The following SAAL1 variants were observed in gnomAD, a reference collection of about 807,000 sequenced individuals.
SAAL1 encodes the protein serum amyloid A like 1.
Under a neutral mutation model 59.8 loss-of-function variants are expected in SAAL1, and 42 were observed. The observed-to-expected ratio is 0.70, with a 90% CI of 0.55 to 0.91. The LOEUF (loss-of-function observed/expected upper bound fraction) is 0.91, where lower values mean the gene tolerates loss of function less well. SAAL1 is among the 40% of genes least tolerant of loss of function. The pLI, the probability that SAAL1 is intolerant of heterozygous loss-of-function variation, is 0.00. For synonymous variants in SAAL1, 191 were observed against 194.3 expected (o/e 0.98, Z 0.14); for missense variants, 542 against 561.1 (o/e 0.97, Z 0.34).
intron 9 of SAAL1, among the ~76,000 whole-genome samples, chr11:18,085,043 G>A (rs1564869707): frequency 6.6e-6 from 1 of 152,140 alleles, no homozygotes; most frequent in Non-Finnish European, 1.5e-5. Context: ...TGGGATTATA[G>A]GTGTGAGCCA....
rs1004017884 is a variant in SAAL1 at position 18,086,485 on chromosome 11, G to A, written c.1042+381C>T. On this transcript the variant is annotated intron_variant, in intron 9 of 11. Coordinates refer to ENST00000524803, the MANE Select transcript of SAAL1 (RefSeq NM_138421.3). ...AGGCCGAGGTGGGTGGATCACCTGA[G>A]GTCGGGAGTTCGAGCCCAGCCTGGC... Among the ~76,000 whole-genome samples the A allele has an allele frequency of 4.6e-5, 7 of 152,228 alleles. No homozygotes were observed. In the East Asian group the frequency reaches 1.2e-3, roughly 25 times the overall value.
intron 2 of SAAL1, among the ~76,000 whole-genome samples, chr11:18,097,224 G>T (rs573013215): frequency 6.6e-6 from 1 of 151,500 alleles, no homozygotes; most frequent in African/African-American, 2.4e-5. Flanking sequence ...GTGACAGAGC[G>T]AGACTCTGTC....
At position 18,089,330 on chromosome 11, in the gene SAAL1, C is replaced by T. The variant is rs377347267; in HGVS notation, c.770G>A (p.Arg257His). The T allele has an allele frequency of 1.4e-5, 22 of 1,542,298 alleles. No individual in the cohort carries two copies. Among genetic ancestry groups the T allele is most frequent in the East Asian group, 2.4e-5 (1 of 42,232 alleles). ...PCILEAAKQV[R>H]SENPEWLDVY... ...ATTTTACACAAAAGAGCTCACCTAC[C>T]GTACTTGTTTGGCAGCTTCAAGTAT... is the stretch of plus-strand genomic sequence containing the variant. The change falls in exon 7 of 12, where the codon CGT becomes CAT. Residue 257 changes from arginine (R) to histidine (H), a missense_variant and splice_region_variant. Coordinates refer to ENST00000524803, the MANE Select transcript of SAAL1 (RefSeq NM_138421.3).
At chr11:18,102,892 A>G (rs1848648711) in intron 2 of SAAL1, among the ~76,000 whole-genome samples, 2 of 152,200 alleles carry the variant, frequency 1.3e-5, no homozygotes, top group Non-Finnish European at 2.9e-5. Context: ...ATCATGGTAT[A>G]TCAGTGGTCT....
chr11:18,083,678 A>C lies in SAAL1; in HGVS notation c.1096T>G (p.Cys366Gly), dbSNP rs1465025537. The C allele has an allele frequency of 6.2e-7, 1 of 1,612,114 alleles. No individual in the cohort carries two copies. The change falls in exon 10 of 12, where the codon TGT becomes GGT. Residue 366 changes from cysteine (C) to glycine (G), a missense_variant. Coordinates refer to ENST00000524803, the MANE Select transcript of SAAL1 (RefSeq NM_138421.3). ...LIRVLQNMEQ[C>G]QKKPENSAES... Reference sequence around the variant, plus strand: ...GCCGAGTTCTCTGGTTTTTTCTGACACTGTTCCATATTTTGTAAGACCCGA... The same window carrying C: ...GCCGAGTTCTCTGGTTTTTTCTGACCCTGTTCCATATTTTGTAAGACCCGA...
At chr11:18,097,838 GAAA>G (rs3993315) in intron 2 of SAAL1, among the ~76,000 whole-genome samples, 3 of 139,880 alleles carry the variant, frequency 2.1e-5, no homozygotes, top group Non-Finnish European at 3.1e-5. Context: ...AGAAAAAAAG[GAAA>G]AAAAAAAAAA....
chr11:18,099,100 T>C (rs11024482), intron 2 of SAAL1, among the ~76,000 whole-genome samples: 27,768 of 152,210 alleles, frequency 0.18, 3,144 homozygotes, highest in Non-Finnish European at 0.25. Context: ...TTTGAGCCTA[T>C]GGTCTTGTTT....
intron 7 of SAAL1, 85 bp downstream of exon 7, chr11:18,089,245 A>C: frequency 8.4e-7 from 1 of 1,190,022 alleles, no homozygotes; most frequent in Non-Finnish European, 1.2e-6. Flanking sequence ...TTCTGTTGTA[A>C]GGAATATAAG....
intron 9 of SAAL1, 96 bp from the exon 10 acceptor site, chr11:18,083,827 A>G (rs1422379427): frequency 3.2e-5 from 22 of 692,034 alleles, no homozygotes; most frequent in Non-Finnish European, 4.4e-5. Flanking sequence ...TATTTTGGGT[A>G]TTACAGATAC....
intron 9 of SAAL1, among the ~76,000 whole-genome samples, chr11:18,084,788 C>T (rs948877514): frequency 2.6e-5 from 4 of 152,074 alleles, no homozygotes; most frequent in East Asian, 1.9e-4. Context: ...AGGGGGGGTG[C>T]GGAGTATTGC....
In SAAL1 at chr11:18,105,899, T is replaced by G; in HGVS notation, c.135+8A>C. The G allele has an allele frequency of 6.3e-7, 1 of 1,592,862 alleles. No homozygotes were observed. The highest frequency in any genetic ancestry group is 8.5e-7 in the Non-Finnish European group (1 of 1,170,756). On this transcript the variant is annotated splice_region_variant and intron_variant, in intron 1 of 11. Coordinates refer to ENST00000524803, the MANE Select transcript of SAAL1 (RefSeq NM_138421.3). ...GGGACACCCCACGCGTGGCGCGAGTTTCCACACCTGGATGAGTCCGCTGAG... is the reference window on the plus strand; with the variant it reads ...GGGACACCCCACGCGTGGCGCGAGTGTCCACACCTGGATGAGTCCGCTGAG...
intron 2 of SAAL1, among the ~76,000 whole-genome samples, chr11:18,102,126 G>T (rs1848640647): frequency 6.6e-6 from 1 of 152,150 alleles, no homozygotes. Flanking sequence ...TATTGGCTGG[G>T]TGCGGTGACT....
Position 18,080,362 on chromosome 11 carries a change from G to C in SAAL1, c.*37C>G, listed in dbSNP as rs1407665470. 2 of 1,295,632 alleles carry C rather than the reference G, an allele frequency of 1.5e-6. No homozygotes were observed. The highest frequency in any genetic ancestry group is 2.2e-6 in the Non-Finnish European group (2 of 920,208). 80.3% of individuals were successfully genotyped at this position (1,295,632 alleles called of 1,614,324 possible). A position where few individuals can be genotyped will look rare whatever the true frequency, so the allele number is the denominator to read the frequency against. ...TTCAACTGTCAGTGAGAAAAATAAA[G>C]TTTATTTCTTGTACAGAAGTAATTC... On this transcript the variant is annotated 3_prime_UTR_variant, in exon 12 of 12. Transcript: ENST00000524803.
At chr11:18,087,251 A>T in intron 7 of SAAL1, 26 bp from the exon 8 acceptor site, 1 of 1,439,758 alleles carries the variant, frequency 6.9e-7, no homozygotes, top group Non-Finnish European at 9.8e-7. Context: ...AAAAGCACTG[A>T]ATCAACAACT....
At chr11:18,099,030 C>A (rs1255245529) in intron 2 of SAAL1, among the ~76,000 whole-genome samples, 1 of 152,208 alleles carries the variant, frequency 6.6e-6, no homozygotes, top group Non-Finnish European at 1.5e-5. Context: ...AGTGTAGCAA[C>A]CTGCCCAAGA....
At chr11:18,090,659 G>A (rs2271533) in intron 4 of SAAL1, 166 bp from the exon 5 acceptor site, 273,705 of 705,714 alleles carry the variant, frequency 0.39, 55,832 homozygotes, top group African/African-American at 0.51. Flanking sequence ...GCAAACACTC[G>A]TGTTTCCAAG....
At position 18,083,475 on chromosome 11, in the gene SAAL1, G is replaced by C; in HGVS notation, c.1239+60C>G. On this transcript the variant is annotated intron_variant, in intron 10 of 11. Transcript: ENST00000524803. The stretch of plus-strand genomic sequence containing the variant: ...TCATATTTAAAAAAAAATAAAGTTT[G>C]AAGCGTTAAGCAACCCACACTTTCT... 5 of 923,280 alleles carry C rather than the reference G, an allele frequency of 5.4e-6. No individual in the cohort carries two copies. The South Asian group carries it at 1.2e-4, about 21-fold the overall frequency. 57.2% of individuals were successfully genotyped at this position (923,280 alleles called of 1,614,324 possible).
intron 2 of SAAL1, among the ~76,000 whole-genome samples, chr11:18,101,722 A>G (rs185729386): frequency 3.3e-5 from 5 of 152,272 alleles, no homozygotes; most frequent in African/African-American, 1.2e-4. Context: ...AAAGTTCACA[A>G]CAGCTTTATC....
In SAAL1 at chr11:18,086,772, G is replaced by C. The variant is rs558838456; in HGVS notation, c.1042+94C>G. ...AAAATAAATTTTTGAAGTTTAGCATGTAATGTTTTTATAATTAGGGAAATG... is the reference window on the plus strand; with the variant it reads ...AAAATAAATTTTTGAAGTTTAGCATCTAATGTTTTTATAATTAGGGAAATG... On this transcript the variant is annotated intron_variant, in intron 9 of 11. Coordinates refer to ENST00000524803, the MANE Select transcript of SAAL1 (RefSeq NM_138421.3). The C allele has an allele frequency of 1.2e-5, 8 of 677,792 alleles. No individual in the cohort carries two copies. The African/African-American group carries it at 1.3e-4, about 11-fold the overall frequency. 42.0% of individuals were successfully genotyped at this position (677,792 alleles called of 1,614,324 possible).
Sources: allele counts gnomAD v4.1 joint callset (sites outside exome capture counted in the v4.1 genomes callset), GRCh38; gene constraint gnomAD v4.1.1; transcripts MANE v1.5; gene names NCBI Gene and HGNC (gene_info 2026-07-23, HGNC 2026-07-21).